KLRG1: variants seen among roughly 807,000 people sequenced by gnomAD.
KLRG1 encodes the protein killer cell lectin like receptor G1, also known as killer cell lectin-like receptor subfamily G member 1.
Under a neutral mutation model 21.8 loss-of-function variants are expected in KLRG1, and 16 were observed. That is an observed-to-expected ratio of 0.73 (90% CI 0.50 to 1.11). The LOEUF is 1.11. KLRG1 is among the 50% of genes most tolerant of loss of function. The probability of loss-of-function intolerance (pLI) is 0.00; values close to 1 mark genes in which losing one functional copy is unlikely to be tolerated. For synonymous variants in KLRG1, 69 were observed against 75.9 expected (o/e 0.91, Z 0.47); for missense variants, 173 against 218.3 (o/e 0.79, Z 1.31).
chr12:9,068,730 TCTCA>T, the KLRG1 span: 565 of 1,578,742 alleles, frequency 3.6e-4, 3 homozygotes, highest in East Asian at 0.011. Flanking sequence ...TGAAAATCAC[TCTCA>T]CTCACCCGTC....
chr12:9,171,064 G>A, the KLRG1 span, among the ~76,000 whole-genome samples: 19 of 152,188 alleles, frequency 1.2e-4, no homozygotes, highest in African/African-American at 4.6e-4. Context: ...ACCTCCCAAT[G>A]AGGGTCTCCA....
At chr12:9,129,637 G>A in the KLRG1 span, among the ~76,000 whole-genome samples, 1 of 151,872 alleles carries the variant, frequency 6.6e-6, no homozygotes, top group Non-Finnish European at 1.5e-5. Flanking sequence ...GCAGTGGCGC[G>A]TTCTGCTCAC....
intron 3 of KLRG1, among the ~76,000 whole-genome samples, chr12:8,997,095 G>A (rs1219252575): frequency 1.3e-5 from 2 of 152,094 alleles, no homozygotes; most frequent in African/African-American, 4.8e-5. Context: ...ATCATTAGAG[G>A]GATTTTGTCC....
chr12:9,106,262 G>A, the KLRG1 span: 39 of 1,612,266 alleles, frequency 2.4e-5, no homozygotes, highest in African/African-American at 6.7e-5. Context: ...ATTCCCTGTC[G>A]AAAGTGTGAG....
chr12:9,146,587 C>A, the KLRG1 span, among the ~76,000 whole-genome samples: 1 of 152,090 alleles, frequency 6.6e-6, no homozygotes, highest in Non-Finnish European at 1.5e-5. Flanking sequence ...TGTGTTGTTG[C>A]CTCTGCATTA....
At chr12:8,956,277 C>T (rs1946291244) in intron 1 of KLRG1, among the ~76,000 whole-genome samples, 1 of 152,172 alleles carries the variant, frequency 6.6e-6, no homozygotes, top group African/African-American at 2.4e-5. Context: ...GCCCAGGAGC[C>T]GTGGGCTGGT....
chr12:9,007,301 C>A (rs552526347), intron 3 of KLRG1, among the ~76,000 whole-genome samples: 1 of 152,300 alleles, frequency 6.6e-6, no homozygotes, highest in East Asian at 1.9e-4. Context: ...CACTCCGTCA[C>A]CCAGGCTGGA....
the KLRG1 span, among the ~76,000 whole-genome samples, chr12:9,198,374 A>G: frequency 3.3e-5 from 5 of 152,134 alleles, no homozygotes; most frequent in Non-Finnish European, 7.3e-5. Context: ...CTTTTAACCT[A>G]CTTATTTTCT....
chr12:9,180,979 T>G, the KLRG1 span: 1 of 1,611,454 alleles, frequency 6.2e-7, no homozygotes, highest in Non-Finnish European at 8.5e-7. Context: ...CACTGGAAAC[T>G]CACTGAGGAC....
At chr12:9,024,043 T>G in the KLRG1 span, among the ~76,000 whole-genome samples, 2 of 107,372 alleles carry the variant, frequency 1.9e-5, no homozygotes, top group Non-Finnish European at 4.0e-5. Flanking sequence ...TTTTTTTTTT[T>G]TTTGAGCCAG....
intron 1 of KLRG1, among the ~76,000 whole-genome samples, chr12:8,978,810 G>A (rs945093850): frequency 6.6e-6 from 1 of 150,932 alleles, no homozygotes; most frequent in African/African-American, 2.4e-5. Flanking sequence ...TGCCTCCTGG[G>A]CTCAAATGAT....
At chr12:9,022,055 G>A in the KLRG1 span, among the ~76,000 whole-genome samples, 3 of 135,102 alleles carry the variant, frequency 2.2e-5, no homozygotes, top group Admixed American at 7.8e-5. Flanking sequence ...GGCCCAGGAG[G>A]TTGAGGCTGG....
the KLRG1 span, among the ~76,000 whole-genome samples, chr12:9,139,996 C>G: frequency 2.0e-5 from 3 of 152,106 alleles, no homozygotes; most frequent in Non-Finnish European, 4.4e-5. Flanking sequence ...GGGAGGTTAT[C>G]TTGGGGCTGC....
chr12:9,182,544 G>T, the KLRG1 span, among the ~76,000 whole-genome samples: 12 of 152,020 alleles, frequency 7.9e-5, no homozygotes, highest in Admixed American at 7.9e-4. Context: ...AAAAAGCTCT[G>T]TATGTAAAAA....
the KLRG1 span, among the ~76,000 whole-genome samples, chr12:9,123,256 T>A: frequency 5.3e-5 from 8 of 152,282 alleles, no homozygotes; most frequent in South Asian, 2.1e-4. Flanking sequence ...ATATACTATG[T>A]TTTTTCCTAT....
At chr12:9,077,500 T>C in the KLRG1 span, 15 of 1,492,812 alleles carry the variant, frequency 1.0e-5, no homozygotes, top group Non-Finnish European at 1.3e-5. Context: ...TGCTGTGTCA[T>C]GGAATTCATC....
intron 1 of KLRG1, among the ~76,000 whole-genome samples, chr12:8,955,156 G>T (rs191853897): frequency 6.6e-6 from 1 of 152,036 alleles, no homozygotes; most frequent in South Asian, 2.1e-4. Flanking sequence ...ACCTTGTGCC[G>T]CCCACCTCGG....
At chr12:9,076,941 G>A in the KLRG1 span, 1 of 1,573,268 alleles carries the variant, frequency 6.4e-7, no homozygotes, top group South Asian at 1.2e-5. Flanking sequence ...AGGGTGCTGT[G>A]AAGGCAGAAC....
chr12:8,995,358 A>G (rs1312423912), intron 3 of KLRG1, 70 bp downstream of exon 3: 1 of 1,315,622 alleles, frequency 7.6e-7, no homozygotes, highest in Non-Finnish European at 1.1e-6. Flanking sequence ...ACTGCTATTT[A>G]AATGTATCAT....
Sources: allele counts gnomAD v4.1 joint callset (sites outside exome capture counted in the v4.1 genomes callset), GRCh38; gene constraint gnomAD v4.1.1; transcripts MANE v1.5; gene names NCBI Gene and HGNC (gene_info 2026-07-23, HGNC 2026-07-21).